Variants in UBAP2L observed in about 807,000 individuals in gnomAD.
The protein encoded by UBAP2L is ubiquitin-associated protein 2-like.
UBAP2L carries 12 observed loss-of-function variants against 130.6 expected under a neutral mutation model. That is an observed-to-expected ratio of 0.09 (90% CI 0.06 to 0.15). The LOEUF (loss-of-function observed/expected upper bound fraction) is 0.15. Among genes scored for constraint, UBAP2L ranks in the 10% least tolerant of loss-of-function variants. The pLI is 1.00. For synonymous variants in UBAP2L, 503 were observed against 524.7 expected (o/e 0.96, Z 0.57); for missense variants, 965 against 1,332.5 (o/e 0.72, Z 4.29).
At chr1:154,238,763 CAG>C (rs1399741788) in intron 8 of UBAP2L, among the ~76,000 whole-genome samples, 8 of 151,726 alleles carry the variant, frequency 5.3e-5, no homozygotes, top group Non-Finnish European at 1.2e-4. Flanking sequence ...TTTTTTGAGA[CAG>C]AGTCTTGCTC....
chr1:154,264,619 G>A (rs1019041548), intron 24 of UBAP2L, among the ~76,000 whole-genome samples: 1 of 152,196 alleles, frequency 6.6e-6, no homozygotes, highest in African/African-American at 2.4e-5. Context: ...GAAAGAATGA[G>A]ATCAGGTAGG....
At chr1:154,263,630 T>C (rs1682324860) in intron 24 of UBAP2L, 1 of 623,438 alleles carries the variant, frequency 1.6e-6, no homozygotes, top group African/African-American at 2.0e-5. Context: ...AATTTTTCAG[T>C]ATGGTGGTTT....
intron 4 of UBAP2L, among the ~76,000 whole-genome samples, chr1:154,232,451 A>G (rs556651936): frequency 1.1e-3 from 160 of 152,314 alleles, no homozygotes; most frequent in Non-Finnish European, 2.0e-3. Flanking sequence ...TAAGTTTACA[A>G]TGCTCATTTT....
In UBAP2L at chr1:154,246,361, T is replaced by C; in HGVS notation, c.1000T>C (p.Ser334Pro). The C allele has an allele frequency of 6.2e-7, 1 of 1,612,846 alleles. No individual in the cohort carries two copies. Among genetic ancestry groups the C allele is most frequent in the Non-Finnish European group, 8.5e-7 (1 of 1,179,390 alleles). ...ACAGCCTGCTTCAGGGAACACATTT[T>C]CTCATCACAGTATGGTGAGTAGGAA... ...ISQPASGNTF[S>P]HHSMVSMLGK... The change falls in exon 11 of 27, where the codon TCT (serine) becomes CCT (proline). Residue 334 changes from serine to proline, a missense_variant. By Grantham distance (74) the Ser-to-Pro change is moderately conservative (BLOSUM62 -1). Coordinates refer to ENST00000428931, the MANE Select transcript of UBAP2L (RefSeq NM_014847.4).
chr1:154,246,415 G>A (rs1197880931), intron 11 of UBAP2L, 40 bp downstream of exon 11: 3 of 1,583,844 alleles, frequency 1.9e-6, no homozygotes, highest in Non-Finnish European at 2.6e-6. Flanking sequence ...AAACCTTCCT[G>A]CTAATCCTAG....
Position 154,257,091 on chromosome 1 carries a change from T to C in UBAP2L, c.2186T>C (p.Leu729Pro). 6.2e-7 allele frequency: 1 copy of C among 1,614,044 alleles called. No individual in the cohort carries two copies. The highest frequency in any genetic ancestry group is 8.5e-7 in the Non-Finnish European group (1 of 1,180,024). ...LHTSVESEANLHSSSSTFSTT... is the reference protein window; with the variant it reads ...LHTSVESEANPHSSSSTFSTT... ...ACAAGTGTGGAGAGTGAGGCGAATC[T>C]CCATTCTTCCTCCAGCACTTTTTCC... Residue 729 changes from leucine to proline, a missense_variant, in exon 19 of 27, where the codon CTC (leucine) becomes CCC (proline). Physicochemically the swap from Leu to Pro is moderately conservative, Grantham distance 98. Transcript: ENST00000428931.
rs762908882 is a variant in UBAP2L at position 154,257,141 on chromosome 1, C to T, written c.2236C>T (p.Pro746Ser). 1.2e-6 allele frequency: 2 copies of T among 1,614,194 alleles called. No individual in the cohort carries two copies. The highest frequency in any genetic ancestry group is 1.7e-5 in the Admixed American group (1 of 60,020). The change falls in exon 19 of 27, where the codon CCT becomes TCT. Residue 746 changes from proline to serine, a missense_variant. By Grantham distance (74) the Pro-to-Ser change is moderately conservative (BLOSUM62 -1). Coordinates refer to ENST00000428931, the MANE Select transcript of UBAP2L (RefSeq NM_014847.4). ...CACCACATCCAGCACAGTCTCTGCA[C>T]CTCCCCCAGTGGTCAGTGTCTCCTC... is the stretch of plus-strand genomic sequence containing the variant. Reference protein sequence around the residue: ...FSTTSSTVSAPPPVVSVSSSL... With the variant: ...FSTTSSTVSASPPVVSVSSSL...
In UBAP2L at chr1:154,237,104, A is replaced by G; in HGVS notation, c.671A>G (p.Asn224Ser). 5.6e-6 allele frequency: 9 copies of G among 1,614,184 alleles called. No homozygotes were observed. The highest frequency in any genetic ancestry group is 6.8e-6 in the Non-Finnish European group (8 of 1,180,012). The change falls in exon 8 of 27, where the codon AAC (asparagine) becomes AGC (serine). Residue 224 changes from asparagine (N) to serine (S), a missense_variant. Physicochemically the swap from Asn to Ser is conservative, Grantham distance 46. Transcript: ENST00000428931. ...YGNSSGNTWN[N>S]TGHFEPDDGT... is the part of the protein sequence containing the mutation. ...AATAGCAGCGGCAATACGTGGAACA[A>G]CACTGGCCACTTTGAACCAGATGAT...
intron 9 of UBAP2L, among the ~76,000 whole-genome samples, chr1:154,242,374 T>C (rs1673862870): frequency 6.6e-6 from 1 of 152,254 alleles, no homozygotes; most frequent in African/African-American, 2.4e-5. Context: ...CTGGGTTTTT[T>C]AAATTTCAGA....
intron 22 of UBAP2L, 119 bp from the exon 23 acceptor site, chr1:154,260,773 G>A (rs1681305548): frequency 4.2e-6 from 4 of 960,056 alleles, no homozygotes; most frequent in South Asian, 3.3e-5. Flanking sequence ...GTAATTCAAG[G>A]AATTGAACTT....
In UBAP2L at chr1:154,266,564, C is replaced by T; in HGVS notation, c.2966C>T (p.Thr989Ile). Reference protein sequence around the residue: ...PDISGSVYSKTQQSFEKQGFH... With the variant: ...PDISGSVYSKIQQSFEKQGFH... Reference sequence around the variant, plus strand: ...ATCTCGGGTTCTGTGTACTCCAAAACCCAGGTAGGTGCCTGGCTCTGGATA... The same window carrying T: ...ATCTCGGGTTCTGTGTACTCCAAAATCCAGGTAGGTGCCTGGCTCTGGATA... Residue 989 changes from threonine (T) to isoleucine (I), a missense_variant, in exon 25 of 27, where the codon ACC becomes ATC. This residue lies in a region of UBAP2L where 194 missense variants were observed against 334.0 expected (regional missense o/e 0.58). Coordinates refer to ENST00000428931, the MANE Select transcript of UBAP2L (RefSeq NM_014847.4). 6.2e-7 allele frequency: 1 copy of T among 1,614,072 alleles called. No homozygotes were observed. The highest frequency in any genetic ancestry group is 1.1e-5 in the South Asian group (1 of 91,080).
rs750664004 is a variant in UBAP2L at position 154,249,306 on chromosome 1, A to C, written c.1082A>C (p.Gln361Pro). 3 of 1,614,178 alleles carry C rather than the reference A, an allele frequency of 1.9e-6. No homozygotes were observed. The highest frequency in any genetic ancestry group is 1.7e-5 in the Admixed American group (1 of 60,020). Reference sequence around the variant, plus strand: ...AAAGGCGGCAGTACTACAGGCTCCCAGTTCTTGGAGCAATTCAAGACTGCC... The same window carrying C: ...AAAGGCGGCAGTACTACAGGCTCCCCGTTCTTGGAGCAATTCAAGACTGCC... ...EAKGGSTTGS[Q>P]FLEQFKTAQA... Residue 361 changes from glutamine (Q) to proline (P), a missense_variant, in exon 12 of 27, where the codon CAG becomes CCG. Gln to Pro is a moderately conservative substitution (Grantham distance 76, BLOSUM62 -1). Transcript: ENST00000428931.
intron 20 of UBAP2L, chr1:154,257,660 G>T (rs537600149): frequency 9.3e-6 from 5 of 538,342 alleles, no homozygotes; most frequent in Non-Finnish European, 1.6e-5. Context: ...ACAGCGTGCA[G>T]TTCAAACCTG....
At chr1:154,251,339 A>T (rs1040180300) in intron 13 of UBAP2L, 21 bp downstream of exon 13, 3 of 1,598,630 alleles carry the variant, frequency 1.9e-6, no homozygotes, top group Admixed American at 1.8e-5. Context: ...TTTTAGGTAG[A>T]TACCATTTTA....
At chr1:154,220,756 G>A (rs1665619249), upstream of UBAP2L, 2 of 296,936 alleles carry the variant, frequency 6.7e-6, no homozygotes, top group Admixed American at 4.8e-5. Flanking sequence ...GTGGACTCGC[G>A]GAGCCGGAAA....
intron 24 of UBAP2L, chr1:154,263,247 A>G (rs545959804): frequency 6.5e-7 from 1 of 1,538,552 alleles, no homozygotes; most frequent in East Asian, 2.5e-5. Flanking sequence ...GAGCCTGCTG[A>G]GCTGAGGCCA....
intron 14 of UBAP2L, among the ~76,000 whole-genome samples, chr1:154,253,067 G>A (rs1300389519): frequency 1.3e-5 from 2 of 150,582 alleles, no homozygotes; most frequent in Non-Finnish European, 3.0e-5. Context: ...GCAATGGCAC[G>A]ATCTCAGCTC....
chr1:154,260,040 G>A lies in UBAP2L; in HGVS notation c.2578+11G>A. The A allele has an allele frequency of 1.9e-6, 3 of 1,613,400 alleles. No individual in the cohort carries two copies. Among genetic ancestry groups the A allele is most frequent in the Non-Finnish European group, 2.5e-6 (3 of 1,179,306 alleles). ...GCAACCCTTATTCTGGTAGGATTGG[G>A]ATGGGACTAAATAAATAAAAAGGGA... On this transcript the variant is annotated intron_variant, in intron 22 of 26. Coordinates refer to ENST00000428931, the MANE Select transcript of UBAP2L (RefSeq NM_014847.4).
chr1:154,260,469 C>T (rs538403407), intron 22 of UBAP2L, among the ~76,000 whole-genome samples: 12 of 152,378 alleles, frequency 7.9e-5, no homozygotes, highest in Middle Eastern at 6.8e-3. Context: ...GGCAATCTCA[C>T]TGCCTTGCCA....
Sources: allele counts gnomAD v4.1 joint callset (sites outside exome capture counted in the v4.1 genomes callset), GRCh38; gene constraint gnomAD v4.1.1; regional missense constraint gnomAD v4.1.1; transcripts MANE v1.5; gene names NCBI Gene and HGNC (gene_info 2026-07-23, HGNC 2026-07-21).